The following NPR2 variants were observed in gnomAD, a reference collection of about 807,000 sequenced individuals.
NPR2 encodes the protein natriuretic peptide receptor 2, also known as atrial natriuretic peptide receptor 2.
A neutral mutation model predicts 120.7 loss-of-function variants in NPR2; 49 were observed. The observed-to-expected ratio is 0.41, with a 90% CI of 0.32 to 0.52. The LOEUF (loss-of-function observed/expected upper bound fraction) is 0.52. Ranked by LOEUF, NPR2 falls within the 20% of genes least tolerant of loss-of-function variation. The probability of loss-of-function intolerance (pLI) is 0.36; values close to 1 mark genes in which losing one functional copy is unlikely to be tolerated. For missense variants in NPR2, 931 were observed against 1,362.9 expected (o/e 0.68, Z 4.99); for synonymous variants, 484 against 519.8 (o/e 0.93, Z 0.94).
Position 35,800,462 on chromosome 9 carries a change from C to T in NPR2, c.1197C>T (p.Asp399=). 1 of 1,613,844 alleles carries T rather than the reference C, an allele frequency of 6.2e-7. No individual in the cohort carries two copies. The highest frequency in any genetic ancestry group is 8.5e-7 in the Non-Finnish European group (1 of 1,179,802). ...ACTTTGTCCTCTGGGCCATGGGAGA[C>T]CTGGATTCTGGGGACTTTCAGGTGA... ...ETDFVLWAMG[D]LDSGDFQPAA... The change falls in exon 5 of 22, where the codon GAC becomes GAT. Residue 399 remains aspartate, a synonymous_variant. Transcript: ENST00000342694. This position sits in a 1 kb window ranked among gnomAD's most constrained non-coding sequence, Gnocchi z 4.7.
Position 35,809,137 on chromosome 9 carries a change from C to G in NPR2, c.2987-19C>G. 6.2e-7 allele frequency: 1 copy of G among 1,604,416 alleles called. No homozygotes were observed. On this transcript the variant is annotated intron_variant, in intron 20 of 21. Transcript: ENST00000342694. This position sits in a 1 kb window ranked among gnomAD's most constrained non-coding sequence, Gnocchi z 4.1. Reference sequence around the variant, plus strand: ...TTTGATTCCTCATTCCACCATCCTCCCCATTCCACCCACCCCAGCGCTGAA... The same window carrying G: ...TTTGATTCCTCATTCCACCATCCTCGCCATTCCACCCACCCCAGCGCTGAA...
At chr9:35,795,645 G>T (rs968592125) in intron 2 of NPR2, among the ~76,000 whole-genome samples, 2 of 152,304 alleles carry the variant, frequency 1.3e-5, no homozygotes, top group Admixed American at 6.5e-5. Flanking sequence ...ACTTGAATAT[G>T]GGCAGTGGCA....
intron 2 of NPR2, among the ~76,000 whole-genome samples, chr9:35,797,270 G>A (rs1827973190): frequency 6.6e-6 from 1 of 152,152 alleles, no homozygotes; most frequent in East Asian, 1.9e-4. Context: ...CCAGGATAGG[G>A]AAGAAAAGAT....
Position 35,800,544 on chromosome 9 carries a change from C to A in NPR2, c.1218+61C>A. On this transcript the variant is annotated intron_variant, in intron 5 of 21. Coordinates refer to ENST00000342694, the MANE Select transcript of NPR2 (RefSeq NM_003995.4). This position sits in a 1 kb window ranked among gnomAD's most constrained non-coding sequence, Gnocchi z 4.7. ...CTGCAAAATCCAGCTTTCAAGGGTT[C>A]AGTCGGGGCAGAACCAAAACTACTA... is the stretch of plus-strand genomic sequence containing the variant. 1 of 1,570,522 alleles carries A rather than the reference C, an allele frequency of 6.4e-7. No individual in the cohort carries two copies. The highest frequency in any genetic ancestry group is 1.1e-5 in the South Asian group (1 of 90,092).
chr9:35,807,176 G>A (rs1164574686), intron 17 of NPR2, 30 bp downstream of exon 17: 1 of 1,469,406 alleles, frequency 6.8e-7, no homozygotes, highest in Admixed American at 1.7e-5. Flanking sequence ...GGTGGCGGGT[G>A]GGGTTGGGTG....
Position 35,809,288 on chromosome 9 carries a change from G to T in NPR2, c.3078+41G>T. On this transcript the variant is annotated intron_variant, in intron 21 of 21. Coordinates refer to ENST00000342694, the MANE Select transcript of NPR2 (RefSeq NM_003995.4). The surrounding 1 kb of genome is among the most constrained non-coding windows in gnomAD (Gnocchi z 4.1). The stretch of plus-strand genomic sequence containing the variant: ...GGGGAGGGGGGCATGGAAAGGGAGG[G>T]TGAAAGTGATTATGGGAATCATAGG... 2 of 1,610,462 alleles carry T rather than the reference G, an allele frequency of 1.2e-6. No homozygotes were observed. The highest frequency in any genetic ancestry group is 1.7e-6 in the Non-Finnish European group (2 of 1,177,060).
At chr9:35,797,371 G>A (rs1320301224) in intron 2 of NPR2, among the ~76,000 whole-genome samples, 2 of 152,248 alleles carry the variant, frequency 1.3e-5, no homozygotes, top group African/African-American at 4.8e-5. Context: ...AACCCAGGCA[G>A]AGGTCACAAC....
At chr9:35,795,804 A>C (rs1277111247) in intron 2 of NPR2, among the ~76,000 whole-genome samples, 1 of 152,054 alleles carries the variant, frequency 6.6e-6, no homozygotes, top group African/African-American at 2.4e-5. Context: ...TGAATTTCCT[A>C]CTCTTTTGCT....
chr9:35,806,025 G>A lies in NPR2; in HGVS notation c.2203+40G>A. 2 of 1,614,158 alleles carry A rather than the reference G, an allele frequency of 1.2e-6. No individual in the cohort carries two copies. Among genetic ancestry groups the A allele is most frequent in the Non-Finnish European group, 1.7e-6 (2 of 1,180,036 alleles). On this transcript the variant is annotated intron_variant, in intron 14 of 21. Transcript: ENST00000342694. This position sits in a 1 kb window ranked among gnomAD's most constrained non-coding sequence, Gnocchi z 4.6. ...ACTACCCACAGCCTCTTCTTCCTGG[G>A]GGAACTCTGTTCTTCATCCAAACCT...
intron 17 of NPR2, 64 bp from the exon 18 acceptor site, chr9:35,807,266 G>A (rs758875418): frequency 9.5e-5 from 143 of 1,511,012 alleles, no homozygotes; most frequent in Non-Finnish European, 1.3e-4. Context: ...GATGGCTTGT[G>A]GGTTAAGAAT....
Position 35,808,173 on chromosome 9 carries a change from T to C in NPR2, c.2713-336T>C. 1 of 1,613,118 alleles carries C rather than the reference T, an allele frequency of 6.2e-7. No individual in the cohort carries two copies. The highest frequency in any genetic ancestry group is 8.5e-7 in the Non-Finnish European group (1 of 1,179,066). On this transcript the variant is annotated intron_variant, in intron 18 of 21. Transcript: ENST00000342694. This position sits in a 1 kb window ranked among gnomAD's most constrained non-coding sequence, Gnocchi z 4.0. ...ATTTCACTGGGCCTGCTTTACCTCC[T>C]CACCAGCCTCTGTCCTCTTGAGTTA... is the stretch of plus-strand genomic sequence containing the variant.
chr9:35,807,524 T>C (rs1015518392), intron 18 of NPR2, 126 bp downstream of exon 18: 5 of 803,844 alleles, frequency 6.2e-6, no homozygotes, highest in East Asian at 4.8e-5. Context: ...GTACTCAGCA[T>C]CCTGGTGCTG....
intron 12 of NPR2, among the ~76,000 whole-genome samples, chr9:35,803,902 A>T (rs968255879): frequency 6.6e-6 from 1 of 152,254 alleles, no homozygotes; most frequent in African/African-American, 2.4e-5. Context: ...GATGATAAAC[A>T]TAAGACACGA....
At position 35,800,291 on chromosome 9, in the gene NPR2, A is replaced by T; in HGVS notation, c.1124-98A>T. 7.1e-7 allele frequency: 1 copy of T among 1,415,294 alleles called. No homozygotes were observed. Among genetic ancestry groups the T allele is most frequent in the Non-Finnish European group, 1.0e-6 (1 of 998,758 alleles). The allele number at this position is 1,415,294 out of a possible 1,614,324, so 87.7% of individuals were successfully genotyped here. ...ATGGCAGAGTTGCCCACACCTCAAG[A>T]TCGGGGAAGGGTAGACTCTGAGGGA... is the stretch of plus-strand genomic sequence containing the variant. On this transcript the variant is annotated intron_variant, in intron 4 of 21. Transcript: ENST00000342694. The surrounding 1 kb of genome is among the most constrained non-coding windows in gnomAD (Gnocchi z 4.7).
At chr9:35,797,495 C>T (rs1434640882) in intron 2 of NPR2, among the ~76,000 whole-genome samples, 1 of 152,092 alleles carries the variant, frequency 6.6e-6, no homozygotes, top group Non-Finnish European at 1.5e-5. Flanking sequence ...CACTGTTGAC[C>T]ACTCTCCAGT....
rs1376277270 is a variant in NPR2, at chr9:35,792,873, A to G, written c.465A>G (p.Thr155=). ...CCAAGCTGGGTGAGTTTGTGGTGAC[A>G]CTACACGGGCACTTCAATTGGACTG... The part of the protein sequence containing the change: ...SAPKLGEFVV[T]LHGHFNWTAR... Residue 155 remains threonine, a synonymous_variant, in exon 1 of 22, where the codon ACA becomes ACG. Coordinates refer to ENST00000342694, the MANE Select transcript of NPR2 (RefSeq NM_003995.4). The G allele has an allele frequency of 6.2e-7, 1 of 1,613,942 alleles. No individual in the cohort carries two copies. Among genetic ancestry groups the G allele is most frequent in the African/African-American group, 1.3e-5 (1 of 74,870 alleles).
At position 35,808,253 on chromosome 9, in the gene NPR2, T is replaced by A. The variant is rs1386309486; in HGVS notation, c.2713-256T>A. ...CAGAGCCTATTTGTCCATGTCCTGC[T>A]GCAGACAGGGTGTTCATTCATTCCG... On this transcript the variant is annotated intron_variant, in intron 18 of 21. Transcript: ENST00000342694. The surrounding 1 kb of genome is among the most constrained non-coding windows in gnomAD (Gnocchi z 4.0). 1 of 1,614,226 alleles carries A rather than the reference T, an allele frequency of 6.2e-7. No individual in the cohort carries two copies. Among genetic ancestry groups the A allele is most frequent in the South Asian group, 1.1e-5 (1 of 91,078 alleles).
At chr9:35,794,231 G>A in intron 2 of NPR2, 128 bp downstream of exon 2, 1 of 799,214 alleles carries the variant, frequency 1.3e-6, no homozygotes. Context: ...AAAATGAACA[G>A]AGGCATTCTG....
In NPR2 at chr9:35,808,943, A is replaced by T. The variant is rs1828585381; in HGVS notation, c.2986+90A>T. The T allele has an allele frequency of 1.2e-5, 12 of 988,062 alleles. No individual in the cohort carries two copies. In the South Asian group the frequency reaches 1.4e-4, roughly 12 times the overall value. 61.2% of individuals were successfully genotyped at this position (988,062 alleles called of 1,614,324 possible). ...AATCCCTCCAATTTCTTAATCTGAG[A>T]GACCACAGTTCCTTAGTGTCGCATC... is the stretch of plus-strand genomic sequence containing the variant. On this transcript the variant is annotated intron_variant, in intron 20 of 21. Coordinates refer to ENST00000342694, the MANE Select transcript of NPR2 (RefSeq NM_003995.4). The surrounding 1 kb of genome is among the most constrained non-coding windows in gnomAD (Gnocchi z 4.0).
Sources: allele counts gnomAD v4.1 joint callset (sites outside exome capture counted in the v4.1 genomes callset), GRCh38; gene constraint gnomAD v4.1.1; non-coding constraint Gnocchi (gnomAD v3.1); transcripts MANE v1.5; gene names NCBI Gene and HGNC (gene_info 2026-07-23, HGNC 2026-07-21).